TRPC5: variants seen among roughly 807,000 people sequenced by gnomAD.
TRPC5 encodes the protein transient receptor potential cation channel subfamily C member 5, also known as short transient receptor potential channel 5.
A neutral mutation model predicts 56.5 loss-of-function variants in TRPC5; 9 were observed. That is an observed-to-expected ratio of 0.16 (90% CI 0.10 to 0.28). The LOEUF (loss-of-function observed/expected upper bound fraction) is 0.28, where lower values mean the gene tolerates loss of function less well. TRPC5 is among the 10% of genes least tolerant of loss of function. TRPC5 has a pLI of 1.00. For missense variants in TRPC5, 469 were observed against 748.9 expected, an observed-to-expected ratio of 0.63 and a Z score of 4.36; for synonymous variants, 282 against 278.5, an observed-to-expected ratio of 1.01 and a Z score of -0.13.
intron 2 of TRPC5, among the ~76,000 whole-genome samples, chrX:111,915,671 T>C (rs1297433733): frequency 8.9e-6 from 1 of 112,444 alleles, no homozygotes; most frequent in Non-Finnish European, 1.9e-5. Context: ...ACTTTTTGCC[T>C]CCTTGATAAG....
At chrX:111,777,638 A>T (rs776743991) in intron 10 of TRPC5, among the ~76,000 whole-genome samples, 8 of 111,933 alleles carry the variant, frequency 7.1e-5, no homozygotes, top group Non-Finnish European at 1.3e-4. Context: ...GGCCTAGTAC[A>T]TGTTGCTTTC....
At chrX:111,854,640 G>A (rs1045897993) in intron 3 of TRPC5, among the ~76,000 whole-genome samples, 4 of 112,062 alleles carry the variant, frequency 3.6e-5, no homozygotes, top group African/African-American at 6.5e-5. Context: ...CTTAGTCTAC[G>A]TGAGGTCATC....
intron 1 of TRPC5, among the ~76,000 whole-genome samples, chrX:112,075,008 C>T (rs942632036): frequency 8.9e-6 from 1 of 112,325 alleles, no homozygotes; most frequent in South Asian, 3.7e-4. Flanking sequence ...TCTTTACCTA[C>T]CCATCACTAC....
At chrX:111,986,140 C>T (rs1371187409) in intron 1 of TRPC5, among the ~76,000 whole-genome samples, 2 of 111,514 alleles carry the variant, frequency 1.8e-5, no homozygotes, top group Admixed American at 1.9e-4. Context: ...TTAAACTCTA[C>T]ATCAAACTAA....
chrX:112,052,030 A>G (rs1409547020), intron 1 of TRPC5, among the ~76,000 whole-genome samples: 1 of 112,002 alleles, frequency 8.9e-6, no homozygotes, highest in African/African-American at 3.2e-5. Flanking sequence ...TCCGTCAACA[A>G]GTGCTTGAGC....
In TRPC5 at chrX:111,899,379, T is replaced by G. The variant is rs149937044; in HGVS notation, c.900+12912A>C. On this transcript the variant is annotated intron_variant, in intron 3 of 10. Transcript: ENST00000262839. The stretch of plus-strand genomic sequence containing the variant: ...ATAAATACAATAAAAATTTGATGAA[T>G]CAAATATAATTTATTCCAATTTTTT... Among the ~76,000 whole-genome samples, 676 of 111,591 alleles carry G rather than the reference T, an allele frequency of 6.1e-3. 4 individuals carry two copies. Among genetic ancestry groups the G allele is most frequent in the African/African-American group, 0.021 (635 of 30,720 alleles).
intron 3 of TRPC5, among the ~76,000 whole-genome samples, chrX:111,909,397 T>C (rs1365914118): frequency 9.1e-6 from 1 of 110,129 alleles, no homozygotes; most frequent in Admixed American, 9.8e-5. Context: ...TTGTGAAATA[T>C]GAAACTATGC....
chrX:111,900,132 G>C (rs761938283), intron 3 of TRPC5, among the ~76,000 whole-genome samples: 10 of 112,069 alleles, frequency 8.9e-5, no homozygotes, highest in African/African-American at 3.2e-4. Flanking sequence ...TCTGGCTGAT[G>C]ATTTTCTGTA....
At chrX:112,002,286 A>G (rs1160880246) in intron 1 of TRPC5, among the ~76,000 whole-genome samples, 2 of 111,528 alleles carry the variant, frequency 1.8e-5, no homozygotes, top group Admixed American at 9.5e-5. Context: ...CCCTTTGCTT[A>G]CTGGGTTCTA....
chrX:111,812,721 A>G, intron 7 of TRPC5, among the ~76,000 whole-genome samples: 1 of 111,962 alleles, frequency 8.9e-6, no homozygotes, highest in East Asian at 2.8e-4. Flanking sequence ...GATTGGATAA[A>G]CACAGTAAGC....
At chrX:111,927,679 A>G (rs1311655969) in intron 2 of TRPC5, among the ~76,000 whole-genome samples, 1 of 111,401 alleles carries the variant, frequency 9.0e-6, no homozygotes. Context: ...CTACACTAAA[A>G]AGAAGTCAGT....
chrX:111,963,521 G>C (rs1000340930), intron 1 of TRPC5, among the ~76,000 whole-genome samples: 1 of 112,150 alleles, frequency 8.9e-6, no homozygotes, highest in Admixed American at 9.4e-5. Flanking sequence ...CGAGCAGACT[G>C]CCTCCTCAAG....
intron 1 of TRPC5, among the ~76,000 whole-genome samples, chrX:112,079,403 G>C (rs1930910099): frequency 8.9e-6 from 1 of 112,210 alleles, no homozygotes; most frequent in Non-Finnish European, 1.9e-5. Context: ...CAGCAACACT[G>C]AGAATGTACT....
chrX:111,917,308 A>G (rs1212610700), intron 2 of TRPC5, among the ~76,000 whole-genome samples: 1 of 112,446 alleles, frequency 8.9e-6, no homozygotes, highest in African/African-American at 3.2e-5. Context: ...GTTTCAGAAT[A>G]AGACTAATTA....
At chrX:112,048,028 C>T (rs1930100099) in intron 1 of TRPC5, among the ~76,000 whole-genome samples, 1 of 111,871 alleles carries the variant, frequency 8.9e-6, no homozygotes, top group Non-Finnish European at 1.9e-5. Context: ...ATGTCTGGCA[C>T]CTAGTATAAC....
At chrX:112,039,046 A>G (rs1389994466) in intron 1 of TRPC5, among the ~76,000 whole-genome samples, 3 of 110,227 alleles carry the variant, frequency 2.7e-5, no homozygotes, top group Non-Finnish European at 5.7e-5. Context: ...CTTGGTGCTC[A>G]GATGCCCTCT....
intron 3 of TRPC5, among the ~76,000 whole-genome samples, chrX:111,874,853 A>G (rs1923873026): frequency 8.9e-6 from 1 of 112,577 alleles, no homozygotes; most frequent in Non-Finnish European, 1.9e-5. Context: ...GCTTTTATGC[A>G]GAGTTGAGTA....
rs1380989024 is a variant in TRPC5 at position 111,771,715 on chromosome X, T to A, written c.*4598A>T. On this transcript the variant is annotated 3_prime_UTR_variant, in exon 11 of 11. Transcript: ENST00000262839. ...AAATCTGAAGTATGCAGACTGACTTTATTTTGCCAAAAATGTGTATATTTA... is the reference window on the plus strand; with the variant it reads ...AAATCTGAAGTATGCAGACTGACTTAATTTTGCCAAAAATGTGTATATTTA... 2.7e-5 allele frequency among the ~76,000 whole-genome samples: 3 copies of A among 110,951 alleles called. No homozygotes were observed. The highest frequency in any genetic ancestry group is 5.7e-5 in the Non-Finnish European group (3 of 53,036).
chrX:111,774,847 T>C lies in TRPC5; in HGVS notation c.*1466A>G, dbSNP rs1469757655. The C allele has an allele frequency of 9.0e-6, 1 of 110,979 alleles. No homozygotes were observed. The highest frequency in any genetic ancestry group is 1.9e-5 in the Non-Finnish European group (1 of 53,000). The allele number at this position is 110,979 out of a possible 1,213,427, so 9.1% of individuals were successfully genotyped here. A position where few individuals can be genotyped will look rare whatever the true frequency, so the allele number is the denominator to read the frequency against. On this transcript the variant is annotated 3_prime_UTR_variant, in exon 11 of 11. Transcript: ENST00000262839. ...AACAGCGTGACACCTATTTTACTTT[T>C]CTGGGCTACACACTATTTATGTAAT...
Sources: gnomAD v4.1 joint callset for allele counts (sites outside exome capture counted in the v4.1 genomes callset) on GRCh38, gnomAD v4.1.1 for gene constraint, MANE v1.5 for transcripts, NCBI Gene and HGNC (gene_info 2026-07-23, HGNC 2026-07-21) for gene names.